Variants in COL24A1 observed in about 807,000 individuals in gnomAD.
COL24A1 encodes collagen alpha-1(XXIV) chain.
COL24A1 carries 224 observed loss-of-function variants against 253.9 expected under a neutral mutation model. The ratio of observed to expected loss-of-function variants is 0.88; its 90% confidence interval spans 0.79 to 0.99. COL24A1 has a LOEUF of 0.99. Among genes scored for constraint, COL24A1 ranks in the 50% least tolerant of loss-of-function variants. COL24A1 has a pLI of 0.00. For synonymous variants in COL24A1, 685 were observed against 673.7 expected (o/e 1.02, Z -0.26); for missense variants, 2,131 against 2,068.5 (o/e 1.03, Z -0.59).
At chr1:85,999,021 C>G (rs906128227) in intron 19 of COL24A1, among the ~76,000 whole-genome samples, 1 of 152,140 alleles carries the variant, frequency 6.6e-6, no homozygotes, top group Non-Finnish European at 1.5e-5. Context: ...GGAATAAAAT[C>G]TCCGATTCTG....
intron 20 of COL24A1, among the ~76,000 whole-genome samples, chr1:85,975,711 A>G (rs756516883): frequency 6.6e-6 from 1 of 152,190 alleles, no homozygotes; most frequent in Non-Finnish European, 1.5e-5. Context: ...GTAAAGTACC[A>G]GGAAAACTTA....
At position 85,861,029 on chromosome 1, in the gene COL24A1, T is replaced by C. The variant is rs143334993; in HGVS notation, c.3300+7490A>G. 4.6e-5 allele frequency among the ~76,000 whole-genome samples: 7 copies of C among 152,284 alleles called. 1 individual carries two copies. The highest frequency in any genetic ancestry group is 1.7e-4 in the African/African-American group (7 of 41,556). ...TGGACATACGTACCTAGAAGTGGAA[T>C]TGCTGGGTCATATGGTAAGTCCATG... On this transcript the variant is annotated intron_variant, in intron 37 of 59. Transcript: ENST00000370571.
intron 35 of COL24A1, 72 bp from the exon 36 acceptor site, chr1:85,868,907 C>A: frequency 9.1e-7 from 1 of 1,095,286 alleles, no homozygotes; most frequent in South Asian, 1.6e-5. Flanking sequence ...ATTTTTAGCC[C>A]ATAGTATATA....
intron 43 of COL24A1, among the ~76,000 whole-genome samples, chr1:85,832,311 G>A (rs2102133386): frequency 6.6e-6 from 1 of 152,180 alleles, no homozygotes; most frequent in South Asian, 2.1e-4. Context: ...CCAGTACCAT[G>A]CTGTTTTGGT....
chr1:85,815,662 G>A (rs1570732086), intron 47 of COL24A1, among the ~76,000 whole-genome samples: 1 of 151,688 alleles, frequency 6.6e-6, no homozygotes, highest in South Asian at 2.1e-4. Context: ...TTGTATTTAA[G>A]TTTAGGTATA....
intron 26 of COL24A1, 57 bp downstream of exon 26, chr1:85,909,893 C>G (rs141698592): frequency 7.8e-6 from 11 of 1,402,162 alleles, no homozygotes; most frequent in Non-Finnish European, 1.1e-5. Context: ...ATCTCTGGAA[C>G]GACTTGCTTT....
chr1:85,992,043 G>A (rs183467439), intron 19 of COL24A1, among the ~76,000 whole-genome samples: 1 of 151,844 alleles, frequency 6.6e-6, no homozygotes, highest in Non-Finnish European at 1.5e-5. Flanking sequence ...TTTAACACTA[G>A]GTATATCTCC....
chr1:85,924,284 A>C (rs1270507924), intron 24 of COL24A1, among the ~76,000 whole-genome samples: 2 of 152,226 alleles, frequency 1.3e-5, no homozygotes, highest in Admixed American at 6.5e-5. Flanking sequence ...TATTCCAAGC[A>C]ATAGAAAAAG....
chr1:86,139,203 A>T (rs1362310434), intron 2 of COL24A1, among the ~76,000 whole-genome samples: 1 of 151,382 alleles, frequency 6.6e-6, no homozygotes, highest in Non-Finnish European at 1.5e-5. Flanking sequence ...GAGGAGAGAG[A>T]AGTAGTAGAT....
In COL24A1 at chr1:86,050,126, G is replaced by T; in HGVS notation, c.1903C>A (p.Arg635=). The change falls in exon 11 of 60, where the codon CGG becomes AGG. Residue 635 remains arginine, a splice_region_variant and synonymous_variant. Transcript: ENST00000370571. ...EAGQLGPEGE[R]GIPGIRGKKG... is the part of the protein sequence containing the mutation. The stretch of plus-strand genomic sequence containing the variant: ...CTATTTGAAGGGAATGGACTTACCC[G>T]TTCTCCTTCAGGTCCCAGTTGTCCC... 3 of 1,612,668 alleles carry T rather than the reference G, an allele frequency of 1.9e-6. No individual in the cohort carries two copies. The highest frequency in any genetic ancestry group is 2.5e-6 in the Non-Finnish European group (3 of 1,178,932).
chr1:85,786,357 T>C lies in COL24A1; in HGVS notation c.4056A>G (p.Pro1352=). Residue 1352 remains proline, a synonymous_variant, in exon 48 of 60, where the codon CCA becomes CCG. Transcript: ENST00000370571. ...TTGGAACAAAATATTAAAGTACCTT[T>C]GGGCCTTGAATTCCTGGGCTTCCTG... ...GLPGSPGIQG[P]KGEQGLPGQP... 1 of 1,613,572 alleles carries C rather than the reference T, an allele frequency of 6.2e-7. No individual in the cohort carries two copies. Among genetic ancestry groups the C allele is most frequent in the Non-Finnish European group, 8.5e-7 (1 of 1,179,622 alleles).
intron 24 of COL24A1, among the ~76,000 whole-genome samples, chr1:85,956,700 T>A (rs1690499747): frequency 6.6e-6 from 1 of 152,142 alleles, no homozygotes; most frequent in Admixed American, 6.5e-5. Context: ...TAAATCCACA[T>A]TTTACATATA....
At chr1:85,733,493 C>T (rs72948655) in intron 59 of COL24A1, among the ~76,000 whole-genome samples, 1,581 of 152,120 alleles carry the variant, frequency 0.01, 24 homozygotes, top group African/African-American at 0.036. Context: ...GGAGTGGGCC[C>T]GATTTGGTCT....
At chr1:85,859,856 G>A (rs1358348719) in intron 37 of COL24A1, among the ~76,000 whole-genome samples, 2 of 152,136 alleles carry the variant, frequency 1.3e-5, no homozygotes, top group Non-Finnish European at 2.9e-5. Flanking sequence ...TTTGGTGTGT[G>A]CCTATAGTCC....
At chr1:86,019,563 ATT>A (rs5775880) in intron 18 of COL24A1, among the ~76,000 whole-genome samples, 1 of 150,754 alleles carries the variant, frequency 6.6e-6, no homozygotes, top group African/African-American at 2.4e-5. Flanking sequence ...GTCTCTAAAA[ATT>A]TTTTTTTTAA....
chr1:85,785,637 T>C (rs1570606423), intron 48 of COL24A1, among the ~76,000 whole-genome samples: 1 of 152,328 alleles, frequency 6.6e-6, no homozygotes, highest in East Asian at 1.9e-4. Context: ...ACTAATATTG[T>C]AAACAGTAAA....
intron 1 of COL24A1, among the ~76,000 whole-genome samples, chr1:86,150,120 G>A (rs1557834209): frequency 6.6e-6 from 1 of 152,094 alleles, no homozygotes; most frequent in African/African-American, 2.4e-5. Flanking sequence ...TGTCTGAAAT[G>A]CCCTACCAGT....
Position 85,754,306 on chromosome 1 carries a change from A to G in COL24A1, c.4437+7090T>C, listed in dbSNP as rs1277261960. On this transcript the variant is annotated intron_variant, in intron 55 of 59. Transcript: ENST00000370571. ...GCAAGAACAAAAAACCAAACACCGCATATTCTCACTCATAGGTGGGAATTG... is the reference window on the plus strand; with the variant it reads ...GCAAGAACAAAAAACCAAACACCGCGTATTCTCACTCATAGGTGGGAATTG... 5.3e-5 allele frequency among the ~76,000 whole-genome samples: 3 copies of G among 56,230 alleles called. No individual in the cohort carries two copies. In the East Asian group the frequency reaches 1.5e-3, roughly 27 times the overall value. 36.9% of individuals were successfully genotyped at this position (56,230 alleles called of 152,430 possible).
At chr1:86,044,081 C>A (rs1699718204) in intron 12 of COL24A1, among the ~76,000 whole-genome samples, 1 of 152,078 alleles carries the variant, frequency 6.6e-6, no homozygotes, top group Admixed American at 6.6e-5. Flanking sequence ...CTTCTACACA[C>A]CTACTTTTTT....
Sources: gnomAD v4.1 joint callset for allele counts (sites outside exome capture counted in the v4.1 genomes callset) on GRCh38, gnomAD v4.1.1 for gene constraint, MANE v1.5 for transcripts, NCBI Gene and HGNC (gene_info 2026-07-23, HGNC 2026-07-21) for gene names.